TMEFF2: variants seen among roughly 807,000 people sequenced by gnomAD.
The protein encoded by TMEFF2 is transmembrane protein with EGF like and two follistatin like domains 2.
TMEFF2 carries 28 observed loss-of-function variants against 53.8 expected under a neutral mutation model. The observed-to-expected ratio is 0.52, with a 90% CI of 0.39 to 0.71. TMEFF2 has a LOEUF of 0.71. Ranked by LOEUF, TMEFF2 falls within the 30% of genes least tolerant of loss-of-function variation. The pLI is 0.00. For missense variants in TMEFF2, 353 were observed against 455.2 expected (o/e 0.78, Z 2.04); for synonymous variants, 162 against 166.3 (o/e 0.97, Z 0.20).
At chr2:192,142,174 T>G (rs1690152785) in intron 4 of TMEFF2, among the ~76,000 whole-genome samples, 1 of 152,138 alleles carries the variant, frequency 6.6e-6, no homozygotes, top group African/African-American at 2.4e-5. Context: ...AGTTTGTAAA[T>G]TCTTGGCACT....
intron 4 of TMEFF2, among the ~76,000 whole-genome samples, chr2:192,167,841 G>A (rs1289767688): frequency 1.3e-5 from 2 of 152,172 alleles, no homozygotes; most frequent in Non-Finnish European, 2.9e-5. Context: ...GAGGGTCATA[G>A]TTAGCAATTA....
chr2:191,976,826 A>T lies in TMEFF2; in HGVS notation c.746-20448T>A, dbSNP rs923553795. On this transcript the variant is annotated intron_variant, in intron 7 of 9. Transcript: ENST00000272771. Reference sequence around the variant, plus strand: ...AAATAACAGATACCTATACACACTTATGAAGTAATAAGATCACAGGCTTGG... The same window carrying T: ...AAATAACAGATACCTATACACACTTTTGAAGTAATAAGATCACAGGCTTGG... Among the ~76,000 whole-genome samples the T allele has an allele frequency of 3.3e-5, 5 of 152,314 alleles. No individual in the cohort carries two copies. The East Asian group carries it at 9.6e-4, about 29-fold the overall frequency.
chr2:191,949,820 G>A lies in TMEFF2; in HGVS notation c.*491C>T, dbSNP rs924748540. 2.7e-5 allele frequency: 27 copies of A among 985,440 alleles called. No individual in the cohort carries two copies. The African/African-American group carries it at 4.5e-4, about 17-fold the overall frequency. The allele number at this position is 985,440 out of a possible 1,614,324, so 61.0% of individuals were successfully genotyped here. On this transcript the variant is annotated 3_prime_UTR_variant, in exon 10 of 10. Transcript: ENST00000272771. ...ATATTTTATCCTCACTCGATATAAA[G>A]TAAATTATTTTTTCTCTTTTCCAAT...
intron 5 of TMEFF2, among the ~76,000 whole-genome samples, chr2:192,022,123 C>T (rs747723337): frequency 3.3e-5 from 5 of 152,172 alleles, no homozygotes; most frequent in Non-Finnish European, 7.3e-5. Flanking sequence ...CTGCTGATCA[C>T]ACTGATCACT....
At chr2:192,026,993 T>G (rs999689407) in intron 5 of TMEFF2, among the ~76,000 whole-genome samples, 2 of 152,254 alleles carry the variant, frequency 1.3e-5, no homozygotes, top group Non-Finnish European at 2.9e-5. Flanking sequence ...TGGAACAGTT[T>G]CTCCAGATAT....
chr2:191,984,607 T>A (rs181136767), intron 7 of TMEFF2, among the ~76,000 whole-genome samples: 1 of 152,134 alleles, frequency 6.6e-6, no homozygotes. Context: ...ATATAATAGA[T>A]TTCTTTTCTA....
chr2:191,980,327 A>G (rs1685824800), intron 7 of TMEFF2, among the ~76,000 whole-genome samples: 1 of 152,216 alleles, frequency 6.6e-6, no homozygotes, highest in African/African-American at 2.4e-5. Context: ...AGGGCAGGCC[A>G]GGAGACGATG....
intron 4 of TMEFF2, among the ~76,000 whole-genome samples, chr2:192,072,456 C>T (rs1688313170): frequency 6.6e-6 from 1 of 151,816 alleles, no homozygotes. Context: ...CATTTTTTTT[C>T]TATCTCAAGA....
intron 4 of TMEFF2, among the ~76,000 whole-genome samples, chr2:192,153,700 T>C (rs912660780): frequency 1.3e-5 from 2 of 151,884 alleles, no homozygotes; most frequent in Non-Finnish European, 2.9e-5. Flanking sequence ...AAAAGCATAT[T>C]ACAGGCTGTC....
At chr2:191,966,837 T>A (rs1368813739) in intron 7 of TMEFF2, among the ~76,000 whole-genome samples, 1 of 152,174 alleles carries the variant, frequency 6.6e-6, no homozygotes, top group Non-Finnish European at 1.5e-5. Flanking sequence ...TAAATAAAAC[T>A]AGTGATCAGT....
intron 5 of TMEFF2, among the ~76,000 whole-genome samples, chr2:192,012,607 T>G (rs1686655462): frequency 6.6e-6 from 1 of 152,204 alleles, no homozygotes; most frequent in Admixed American, 6.5e-5. Flanking sequence ...AGCCCCTAAA[T>G]AAATGAACTA....
intron 7 of TMEFF2, among the ~76,000 whole-genome samples, chr2:191,979,689 T>C (rs1485283942): frequency 1.3e-5 from 2 of 152,054 alleles, no homozygotes; most frequent in East Asian, 3.9e-4. Context: ...TCCAAAGCAA[T>C]GTTTGGAATT....
intron 5 of TMEFF2, among the ~76,000 whole-genome samples, chr2:192,001,370 ATATT>A (rs1003129169): frequency 2.6e-5 from 4 of 152,016 alleles, no homozygotes; most frequent in African/African-American, 2.4e-5. Context: ...ATTTTTATTA[ATATT>A]TATGTTTTTG....
chr2:192,035,422 A>C (rs560051969), intron 5 of TMEFF2: 1 of 152,320 alleles, frequency 6.6e-6, no homozygotes, highest in South Asian at 2.1e-4. Context: ...GAAATTGGAA[A>C]TATTCAGTGA....
At chr2:191,954,641 A>C (rs1344166627) in intron 8 of TMEFF2, among the ~76,000 whole-genome samples, 1 of 152,228 alleles carries the variant, frequency 6.6e-6, no homozygotes, top group South Asian at 2.1e-4. Flanking sequence ...TCAGAGTTAC[A>C]GGATGAGTCA....
At position 191,982,927 on chromosome 2, in the gene TMEFF2, A is replaced by G. The variant is rs145531370; in HGVS notation, c.745+15335T>C. Among the ~76,000 whole-genome samples, 54 of 152,238 alleles carry G rather than the reference A, an allele frequency of 3.5e-4. No homozygotes were observed. In the East Asian group the frequency reaches 7.9e-3, roughly 22 times the overall value. ...TAAAAGTCATTAGAAACAATAATTC[A>G]TTTACCAGAAATAAGATTGAGGTGG... On this transcript the variant is annotated intron_variant, in intron 7 of 9. Transcript: ENST00000272771.
chr2:191,955,891 A>C (rs1692069010), intron 8 of TMEFF2, among the ~76,000 whole-genome samples: 1 of 152,200 alleles, frequency 6.6e-6, no homozygotes. Context: ...ATAAGGCTTC[A>C]TCCATTCATT....
intron 4 of TMEFF2, among the ~76,000 whole-genome samples, chr2:192,173,569 T>C (rs562150476): frequency 2.0e-5 from 3 of 152,052 alleles, no homozygotes; most frequent in East Asian, 3.9e-4. Context: ...TTCTTCTTTA[T>C]TGGTTTTCTA....
Position 191,949,486 on chromosome 2 carries a change from T to G in TMEFF2, c.*825A>C, listed in dbSNP as rs1691802444. 2 of 985,332 alleles carry G rather than the reference T, an allele frequency of 2.0e-6. No homozygotes were observed. The highest frequency in any genetic ancestry group is 4.7e-5 in the South Asian group (1 of 21,294). The allele number at this position is 985,332 out of a possible 1,614,324, so 61.0% of individuals were successfully genotyped here. On this transcript the variant is annotated 3_prime_UTR_variant, in exon 10 of 10. Transcript: ENST00000272771. ...ATTCACGATTTTGGTGTTTCACATC[T>G]AGTGGTGTTATTACATTTTTCCCCT...
Sources: gnomAD v4.1 joint callset for allele counts (sites outside exome capture counted in the v4.1 genomes callset) on GRCh38, gnomAD v4.1.1 for gene constraint, MANE v1.5 for transcripts, NCBI Gene and HGNC (gene_info 2026-07-23, HGNC 2026-07-21) for gene names.